PTPRD: variants seen among roughly 807,000 people sequenced by gnomAD.
PTPRD encodes receptor-type tyrosine-protein phosphatase delta.
A neutral mutation model predicts 214.5 loss-of-function variants in PTPRD; 34 were observed. The ratio of observed to expected loss-of-function variants is 0.16; its 90% CI spans 0.12 to 0.21. The LOEUF (loss-of-function observed/expected upper bound fraction) is 0.21. PTPRD is among the 10% of genes least tolerant of loss of function. The probability of loss-of-function intolerance (pLI) is 1.00; values close to 1 mark genes in which losing one functional copy is unlikely to be tolerated. For synonymous variants in PTPRD, 1,128 were observed against 845.7 expected (o/e 1.33, Z -5.79); for missense variants, 2,545 against 2,398.7 (o/e 1.06, Z -1.27).
chr9:8,842,876 T>C (rs2097586405), intron 11 of PTPRD, among the ~76,000 whole-genome samples: 1 of 152,206 alleles, frequency 6.6e-6, no homozygotes, highest in African/African-American at 2.4e-5. Flanking sequence ...ATCTCCCTCC[T>C]GCTCCGTCGG....
chr9:9,498,937 TTCTC>T lies in PTPRD; in HGVS notation c.-237+75791_-237+75794del, dbSNP rs540852248. ...TCTTTAAAGAGTTTAGGCTTATTTT[TTCTC>T]TCTCTGTCTCTCTCTCTCCCTCTCT... On this transcript the variant is annotated intron_variant, in intron 8 of 45. Coordinates refer to ENST00000381196, the MANE Select transcript of PTPRD (RefSeq NM_002839.4). 2.7e-4 allele frequency among the ~76,000 whole-genome samples: 41 copies of T among 149,784 alleles called. No homozygotes were observed. In the East Asian group the frequency reaches 5.8e-3, roughly 21 times the overall value.
intron 39 of PTPRD, among the ~76,000 whole-genome samples, chr9:8,363,053 A>G (rs912320553): frequency 6.6e-6 from 1 of 152,160 alleles, no homozygotes; most frequent in Admixed American, 6.5e-5. Context: ...TTTGATTTTT[A>G]CTAGGGTTTT....
intron 35 of PTPRD, among the ~76,000 whole-genome samples, chr9:8,435,931 A>T (rs2095328546): frequency 6.6e-6 from 1 of 152,212 alleles, no homozygotes; most frequent in South Asian, 2.1e-4. Flanking sequence ...ACACATACTC[A>T]ATAATTACAG....
chr9:8,876,366 A>T (rs1268251617), intron 11 of PTPRD, among the ~76,000 whole-genome samples: 1 of 152,192 alleles, frequency 6.6e-6, no homozygotes, highest in Non-Finnish European at 1.5e-5. Context: ...CCTATAATAT[A>T]CTAAATGCCA....
At chr9:10,482,242 G>A (rs1376295332) in intron 2 of PTPRD, among the ~76,000 whole-genome samples, 2 of 151,706 alleles carry the variant, frequency 1.3e-5, no homozygotes, top group Non-Finnish European at 2.9e-5. Context: ...GTGGTGGCGG[G>A]TGCCTGTAGT....
chr9:9,607,005 A>AGT lies in PTPRD; in HGVS notation c.-286-32226_-286-32225dup, dbSNP rs1554691881. ...AAAAAAAAAAAAAAAAAAAAAAAAA[A>AGT]GTGTTTCTGCCATGTCACCGACCAG... On this transcript the variant is annotated intron_variant, in intron 7 of 45. Transcript: ENST00000381196. Among the ~76,000 whole-genome samples, 8 of 119,678 alleles carry AGT rather than the reference A, an allele frequency of 6.7e-5. 1 individual carries two copies. Among genetic ancestry groups the AGT allele is most frequent in the African/African-American group, 2.0e-4 (6 of 30,508 alleles). 78.5% of individuals were successfully genotyped at this position (119,678 alleles called of 152,430 possible).
chr9:9,138,581 T>G (rs565873632), intron 10 of PTPRD, among the ~76,000 whole-genome samples: 1 of 152,160 alleles, frequency 6.6e-6, no homozygotes, highest in African/African-American at 2.4e-5. Context: ...TTTAAAAGTA[T>G]AGTGTGTTCA....
At chr9:10,589,086 G>A (rs181073033) in intron 2 of PTPRD, among the ~76,000 whole-genome samples, 19 of 152,102 alleles carry the variant, frequency 1.2e-4, no homozygotes, top group Admixed American at 1.2e-3. Context: ...CTCATGTATA[G>A]AATGTTACCT....
chr9:10,003,764 T>G lies in PTPRD; in HGVS notation c.-472+29954A>C, dbSNP rs4425814. On this transcript the variant is annotated intron_variant, in intron 4 of 45. Coordinates refer to ENST00000381196, the MANE Select transcript of PTPRD (RefSeq NM_002839.4). The stretch of plus-strand genomic sequence containing the variant: ...TAAGTACTTTATTTATAACAACTCA[T>G]GTGGTCCTCACAACAGGCTTATTAA... 4.0e-3 allele frequency among the ~76,000 whole-genome samples: 606 copies of G among 151,460 alleles called. 8 individuals are homozygous for G. Among genetic ancestry groups the G allele is most frequent in the African/African-American group, 0.014 (578 of 41,446 alleles).
chr9:9,916,402 A>G (rs575229284), intron 5 of PTPRD, among the ~76,000 whole-genome samples: 8 of 152,142 alleles, frequency 5.3e-5, no homozygotes, highest in African/African-American at 1.9e-4. Context: ...ATAAAACAAC[A>G]AGAAATCAAT....
chr9:9,783,413 C>G (rs1001192395), intron 5 of PTPRD, among the ~76,000 whole-genome samples: 7 of 152,106 alleles, frequency 4.6e-5, no homozygotes, highest in African/African-American at 9.7e-5. Flanking sequence ...TGTTAGCCTA[C>G]TGAATCATGA....
At chr9:10,240,260 C>T (rs1187921200) in intron 3 of PTPRD, among the ~76,000 whole-genome samples, 1 of 151,976 alleles carries the variant, frequency 6.6e-6, no homozygotes, top group East Asian at 1.9e-4. Context: ...CTTCTGAAGG[C>T]TCCCATGCTA....
chr9:8,905,155 G>A (rs1018233690), intron 11 of PTPRD, among the ~76,000 whole-genome samples: 1 of 152,136 alleles, frequency 6.6e-6, no homozygotes, highest in African/African-American at 2.4e-5. Context: ...TGAAGCTAAA[G>A]GATTTATGTA....
At chr9:9,978,905 G>C (rs1169401040) in intron 4 of PTPRD, among the ~76,000 whole-genome samples, 2 of 151,840 alleles carry the variant, frequency 1.3e-5, no homozygotes, top group Non-Finnish European at 2.9e-5. Flanking sequence ...ACATTATACA[G>C]GAATGAAAAC....
At chr9:10,587,400 T>C (rs191652613) in intron 2 of PTPRD, among the ~76,000 whole-genome samples, 1 of 152,242 alleles carries the variant, frequency 6.6e-6, no homozygotes, top group Admixed American at 6.5e-5. Flanking sequence ...TGAGTATCTA[T>C]GGCATATATA....
rs532044934 is a variant in PTPRD, at chr9:10,558,034, T to A, written c.-600+54364A>T. 2.6e-5 allele frequency among the ~76,000 whole-genome samples: 4 copies of A among 152,294 alleles called. No homozygotes were observed. The South Asian group carries it at 6.2e-4, about 24-fold the overall frequency. ...GGAACAAATGGCCCCTGCATTTTCA[T>A]TTCATACTGGACTCATAATTTCTAT... On this transcript the variant is annotated intron_variant, in intron 2 of 45. Transcript: ENST00000381196.
intron 24 of PTPRD, among the ~76,000 whole-genome samples, chr9:8,500,050 C>CAAAAA (rs34424655): frequency 1.3e-5 from 1 of 78,338 alleles, no homozygotes; most frequent in Admixed American, 1.3e-4. Flanking sequence ...ATGACCGATG[C>CAAAAA]AAAAAAAAAA....
chr9:9,233,022 C>T (rs1473257311), intron 9 of PTPRD, among the ~76,000 whole-genome samples: 2 of 152,120 alleles, frequency 1.3e-5, no homozygotes, highest in South Asian at 2.1e-4. Context: ...GCTCTTAAGA[C>T]CCTTATACCA....
intron 10 of PTPRD, among the ~76,000 whole-genome samples, chr9:9,167,586 C>T (rs1286472401): frequency 6.6e-6 from 1 of 151,752 alleles, no homozygotes; most frequent in Non-Finnish European, 1.5e-5. Flanking sequence ...GAAACTCTGT[C>T]CCTACTAAAA....
Sources: allele counts gnomAD v4.1 joint callset (sites outside exome capture counted in the v4.1 genomes callset), GRCh38; gene constraint gnomAD v4.1.1; transcripts MANE v1.5; gene names NCBI Gene and HGNC (gene_info 2026-07-23, HGNC 2026-07-21).